ENOX2: variants seen among roughly 807,000 people sequenced by gnomAD.
ENOX2 encodes the protein APK1 antigen.
Under a neutral mutation model 45.0 loss-of-function variants are expected in ENOX2, and 36 were observed. The observed-to-expected ratio is 0.80, with a 90% CI of 0.61 to 1.06. The LOEUF (loss-of-function observed/expected upper bound fraction) is 1.06, where lower values mean the gene tolerates loss of function less well. Ranked by LOEUF, ENOX2 falls within the 50% of genes least tolerant of loss-of-function variation. The pLI is 0.00. For synonymous variants in ENOX2, 174 were observed against 152.3 expected (o/e 1.14, Z -1.05); for missense variants, 423 against 462.5 (o/e 0.91, Z 0.78).
intron 4 of ENOX2, among the ~76,000 whole-genome samples, chrX:130,694,605 T>C (rs866279829): frequency 2.3e-3 from 239 of 101,762 alleles, no homozygotes; most frequent in African/African-American, 7.0e-3. Context: ...CTTTTCTTTT[T>C]TTTTTTTTTT....
chrX:130,778,619 A>C (rs1168931059), intron 3 of ENOX2, among the ~76,000 whole-genome samples: 1 of 112,249 alleles, frequency 8.9e-6, no homozygotes, highest in Non-Finnish European at 1.9e-5. Flanking sequence ...ACATTAAGAG[A>C]AAGAAACAAT....
intron 2 of ENOX2, among the ~76,000 whole-genome samples, chrX:130,899,871 G>C (rs755006034): frequency 1.8e-5 from 2 of 112,273 alleles, no homozygotes; most frequent in Non-Finnish European, 3.8e-5. Context: ...TAAAGGACAA[G>C]AGGCAAGGGG....
chrX:130,633,098 T>C (rs752020172), intron 12 of ENOX2, among the ~76,000 whole-genome samples: 20 of 111,986 alleles, frequency 1.8e-4, no homozygotes, highest in African/African-American at 5.5e-4. Context: ...AGAAGGTACA[T>C]TGAAAGGATG....
At chrX:130,833,964 G>GAT (rs774716685) in intron 2 of ENOX2, among the ~76,000 whole-genome samples, 137 of 111,491 alleles carry the variant, frequency 1.2e-3, no homozygotes, top group Non-Finnish European at 2.4e-3. Context: ...TGGTGCTGGA[G>GAT]ATATATATAT....
intron 2 of ENOX2, among the ~76,000 whole-genome samples, chrX:130,801,129 C>T (rs989179393): frequency 8.9e-6 from 1 of 112,238 alleles, no homozygotes; most frequent in African/African-American, 3.2e-5. Flanking sequence ...AGGGACTGCA[C>T]GCCACCCTCT....
intron 3 of ENOX2, among the ~76,000 whole-genome samples, chrX:130,726,599 A>T (rs757273172): frequency 1.2e-4 from 14 of 112,590 alleles, no homozygotes; most frequent in African/African-American, 4.2e-4. Context: ...AGGAATTTGG[A>T]TGTGTTACTT....
intron 2 of ENOX2, among the ~76,000 whole-genome samples, chrX:130,850,305 T>A (rs1349756781): frequency 9.0e-6 from 1 of 111,725 alleles, no homozygotes; most frequent in African/African-American, 3.3e-5. Context: ...ATCTTTTTTA[T>A]GAGTGTATCA....
intron 9 of ENOX2, among the ~76,000 whole-genome samples, chrX:130,663,400 G>A (rs111602688): frequency 0.021 from 2,303 of 110,294 alleles, 46 homozygotes; most frequent in African/African-American, 0.071. Context: ...GCATGGCGGC[G>A]TGTGCCTGTA....
At chrX:130,763,110 CTACTT>C (rs1487170015) in intron 3 of ENOX2, among the ~76,000 whole-genome samples, 1 of 112,086 alleles carries the variant, frequency 8.9e-6, no homozygotes, top group Non-Finnish European at 1.9e-5. Context: ...GCAATGTAGT[CTACTT>C]TATCTTATAT....
intron 2 of ENOX2, among the ~76,000 whole-genome samples, chrX:130,874,308 G>A (rs779051789): frequency 8.9e-6 from 1 of 112,400 alleles, no homozygotes; most frequent in African/African-American, 3.2e-5. Flanking sequence ...AGGGGATAGA[G>A]TGTGAGGGAA....
chrX:130,794,217 G>C (rs2077084907), intron 2 of ENOX2, among the ~76,000 whole-genome samples: 1 of 112,256 alleles, frequency 8.9e-6, no homozygotes, highest in Admixed American at 9.4e-5. Context: ...GTACTTCCCT[G>C]AGAATGTGCC....
intron 3 of ENOX2, among the ~76,000 whole-genome samples, chrX:130,721,814 T>C (rs1251509879): frequency 8.9e-6 from 1 of 112,277 alleles, no homozygotes; most frequent in Non-Finnish European, 1.9e-5. Context: ...TTGCATTTCT[T>C]TCTATAGGAC....
chrX:130,882,949 C>T (rs1279011216), intron 2 of ENOX2, among the ~76,000 whole-genome samples: 2 of 112,058 alleles, frequency 1.8e-5, no homozygotes, highest in Admixed American at 1.9e-4. Context: ...AGGCTGGATA[C>T]TTAAACTCTG....
intron 3 of ENOX2, among the ~76,000 whole-genome samples, chrX:130,733,866 C>T (rs1378581840): frequency 8.9e-6 from 1 of 112,195 alleles, no homozygotes; most frequent in East Asian, 2.8e-4. Context: ...TGATATTATA[C>T]TACAGTTTTG....
chrX:130,901,531 T>A (rs768885734), intron 2 of ENOX2, among the ~76,000 whole-genome samples, 153 bp downstream of exon 2: 2 of 112,668 alleles, frequency 1.8e-5, no homozygotes, highest in South Asian at 7.4e-4. Flanking sequence ...GATAATGTGA[T>A]GCACGGGGAC....
chrX:130,651,720 C>T (rs1483496883), intron 10 of ENOX2, among the ~76,000 whole-genome samples: 1 of 111,976 alleles, frequency 8.9e-6, no homozygotes, highest in African/African-American at 3.3e-5. Context: ...TTCCCTTCTC[C>T]TCGTGGTCTC....
At chrX:130,688,381 T>A (rs918896490) in intron 5 of ENOX2, among the ~76,000 whole-genome samples, 4 of 111,863 alleles carry the variant, frequency 3.6e-5, no homozygotes, top group African/African-American at 1.3e-4. Flanking sequence ...GCCCTTCCAA[T>A]ATGTTGAGCC....
chrX:130,839,975 T>A (rs2077986697), intron 2 of ENOX2, among the ~76,000 whole-genome samples: 1 of 111,680 alleles, frequency 9.0e-6, no homozygotes, highest in South Asian at 3.8e-4. Flanking sequence ...TGGGCTGACA[T>A]CTTGGATAGG....
chrX:130,667,457 A>G, intron 8 of ENOX2, 73 bp downstream of exon 8: 1 of 957,024 alleles, frequency 1.0e-6, no homozygotes, highest in Non-Finnish European at 1.5e-6. Context: ...TGGAGGCCTG[A>G]GCTCCCATAG....
Sources: gnomAD v4.1 joint callset for allele counts (sites outside exome capture counted in the v4.1 genomes callset) on GRCh38, gnomAD v4.1.1 for gene constraint, MANE v1.5 for transcripts, NCBI Gene and HGNC (gene_info 2026-07-23, HGNC 2026-07-21) for gene names.